EYS: variants seen among roughly 807,000 people sequenced by gnomAD.
The protein encoded by EYS is protein eyes shut homolog.
Under a neutral mutation model 282.1 loss-of-function variants are expected in EYS, and 250 were observed. That is an observed-to-expected ratio of 0.89 (90% CI 0.80 to 0.98). EYS has a LOEUF of 0.98. Ranked by LOEUF, EYS falls within the 50% of genes least tolerant of loss-of-function variation. EYS has a pLI of 0.00. For missense variants in EYS, 4,016 were observed against 3,709.0 expected (o/e 1.08, Z -2.15); for synonymous variants, 1,355 against 1,282.9 (o/e 1.06, Z -1.20).
chr6:64,869,793 T>C (rs766467093), intron 19 of EYS, among the ~76,000 whole-genome samples: 6 of 151,640 alleles, frequency 4.0e-5, no homozygotes, highest in Non-Finnish European at 8.9e-5. Context: ...TTTGACTTTA[T>C]TCTAACAAAA....
intron 12 of EYS, among the ~76,000 whole-genome samples, chr6:65,259,452 T>C (rs187130613): frequency 5.3e-4 from 80 of 152,202 alleles, no homozygotes; most frequent in African/African-American, 1.8e-3. Context: ...GTATAACATA[T>C]CCTATCCTGA....
intron 2 of EYS, among the ~76,000 whole-genome samples, chr6:65,535,477 C>A (rs1029737669): frequency 6.6e-6 from 1 of 152,128 alleles, no homozygotes; most frequent in African/African-American, 2.4e-5. Context: ...TGTGATTTTG[C>A]TTCTCCTTTG....
intron 14 of EYS, among the ~76,000 whole-genome samples, chr6:64,966,382 A>G (rs1488547093): frequency 2.0e-5 from 3 of 152,178 alleles, no homozygotes; most frequent in African/African-American, 7.2e-5. Context: ...ATGATTTGGC[A>G]GTCCTGATGG....
At chr6:65,484,012 A>G (rs1765699742) in intron 5 of EYS, among the ~76,000 whole-genome samples, 3 of 152,056 alleles carry the variant, frequency 2.0e-5, no homozygotes, top group Non-Finnish European at 4.4e-5. Flanking sequence ...GGAATTCAAG[A>G]TGAGATTTGG....
intron 14 of EYS, among the ~76,000 whole-genome samples, chr6:64,971,389 T>C (rs1770288583): frequency 6.6e-6 from 1 of 152,058 alleles, no homozygotes; most frequent in African/African-American, 2.4e-5. Context: ...AACTCTACTG[T>C]TTTATACAAA....
intron 4 of EYS, among the ~76,000 whole-genome samples, chr6:65,493,527 C>T (rs66487313): frequency 0.21 from 32,245 of 152,084 alleles, 3,761 homozygotes; most frequent in Middle Eastern, 0.32. Context: ...ATAAATTCTT[C>T]CACAAGTTTC....
At chr6:65,326,246 C>T (rs1769616235) in intron 11 of EYS, among the ~76,000 whole-genome samples, 1 of 151,738 alleles carries the variant, frequency 6.6e-6, no homozygotes, top group Non-Finnish European at 1.5e-5. Flanking sequence ...GAAAAGCCTC[C>T]TCATTTTAAG....
At chr6:64,830,767 G>C (rs543504722) in intron 19 of EYS, among the ~76,000 whole-genome samples, 1 of 152,042 alleles carries the variant, frequency 6.6e-6, no homozygotes, top group Admixed American at 6.6e-5. Flanking sequence ...AGGTAGATCT[G>C]AGCAGCACAA....
intron 22 of EYS, among the ~76,000 whole-genome samples, chr6:64,722,384 C>T (rs906883887): frequency 2.0e-5 from 3 of 151,722 alleles, no homozygotes; most frequent in African/African-American, 4.8e-5. Context: ...CCCAAGGCAA[C>T]AGAGTATGGG....
At chr6:63,745,363 A>G (rs1005764720) in intron 41 of EYS, among the ~76,000 whole-genome samples, 1 of 152,340 alleles carries the variant, frequency 6.6e-6, no homozygotes, top group Non-Finnish European at 1.5e-5. Context: ...CCTATAGGCA[A>G]GGGAATGTTT....
chr6:64,116,553 A>G (rs1428240473), intron 31 of EYS, among the ~76,000 whole-genome samples: 3 of 152,192 alleles, frequency 2.0e-5, no homozygotes, highest in African/African-American at 7.2e-5. Context: ...CCTTGAATGT[A>G]AATAGGTTAA....
intron 29 of EYS, among the ~76,000 whole-genome samples, chr6:64,332,764 T>C (rs1028927267): frequency 1.3e-5 from 2 of 152,156 alleles, no homozygotes; most frequent in African/African-American, 2.4e-5. Context: ...AACTGGAAGC[T>C]GACTAGTCTA....
chr6:64,651,809 T>C (rs1423475910), intron 22 of EYS, among the ~76,000 whole-genome samples: 2 of 152,136 alleles, frequency 1.3e-5, no homozygotes, highest in African/African-American at 4.8e-5. Context: ...GAAAGACATA[T>C]TAGTGAACAA....
intron 13 of EYS, among the ~76,000 whole-genome samples, chr6:65,007,779 G>A (rs1311439105): frequency 6.6e-6 from 1 of 152,176 alleles, no homozygotes; most frequent in Non-Finnish European, 1.5e-5. Context: ...CAGCCAGCGT[G>A]CATGTACTTT....
At chr6:65,605,979 T>A (rs1339202616) in intron 2 of EYS, among the ~76,000 whole-genome samples, 1 of 151,612 alleles carries the variant, frequency 6.6e-6, no homozygotes, top group African/African-American at 2.4e-5. Context: ...AAAGTAAAAA[T>A]AAACATTTAC....
Position 64,394,246 on chromosome 6 carries a change from A to G in EYS, c.5928-5406T>C, listed in dbSNP as rs1467246903. The stretch of plus-strand genomic sequence containing the variant: ...GATTCATTGCCATCCCCATCAAGCT[A>G]CCAATGCCTTTCTTCACAGAATTGG... On this transcript the variant is annotated intron_variant, in intron 28 of 42. Coordinates refer to ENST00000503581, the MANE Select transcript of EYS (RefSeq NM_001142800.2). Among the ~76,000 whole-genome samples, 5 of 152,316 alleles carry G rather than the reference A, an allele frequency of 3.3e-5. No homozygotes were observed. In the East Asian group the frequency reaches 9.6e-4, roughly 29 times the overall value.
chr6:65,007,116 A>G (rs1256486185), intron 13 of EYS, among the ~76,000 whole-genome samples: 1 of 152,068 alleles, frequency 6.6e-6, no homozygotes, highest in East Asian at 1.9e-4. Flanking sequence ...AGAGGCGGGT[A>G]AAACAGATGC....
chr6:65,584,633 G>A (rs141524399), intron 2 of EYS, among the ~76,000 whole-genome samples: 12 of 151,762 alleles, frequency 7.9e-5, no homozygotes, highest in East Asian at 3.9e-4. Flanking sequence ...AAAATACTAC[G>A]CTAAGGCTAA....
chr6:64,042,222 G>T (rs1446828690), intron 33 of EYS, among the ~76,000 whole-genome samples: 1 of 152,162 alleles, frequency 6.6e-6, no homozygotes, highest in Non-Finnish European at 1.5e-5. Flanking sequence ...TTGGAGTACT[G>T]GTCAGGATCA....
Sources: allele counts gnomAD v4.1 joint callset (sites outside exome capture counted in the v4.1 genomes callset), GRCh38; gene constraint gnomAD v4.1.1; transcripts MANE v1.5; gene names NCBI Gene and HGNC (gene_info 2026-07-23, HGNC 2026-07-21).